The following BCR variants were observed in gnomAD, a reference collection of about 807,000 sequenced individuals.
The protein encoded by BCR is BCR activator of RhoGEF and GTPase.
In BCR, 58 loss-of-function variants were observed where a neutral mutation model predicts 138.6. The ratio of observed to expected loss-of-function variants is 0.42; its 90% CI spans 0.34 to 0.52. BCR has a LOEUF of 0.52. Ranked by LOEUF, BCR falls within the 20% of genes least tolerant of loss-of-function variation. BCR has a pLI of 0.06. For synonymous variants in BCR, 786 were observed against 730.1 expected, an observed-to-expected ratio of 1.08 and a Z score of -1.23; for missense variants, 1,599 against 1,727.2, an observed-to-expected ratio of 0.93 and a Z score of 1.32.
intron 16 of BCR, among the ~76,000 whole-genome samples, chr22:23,297,471 GGGCCCT>G (rs1478331808): frequency 1.3e-5 from 2 of 152,226 alleles, no homozygotes; most frequent in African/African-American, 4.8e-5. Context: ...CTCAGAATCA[GGGCCCT>G]GGGTATTCAG....
In BCR at chr22:23,224,693, C is replaced by T. The variant is rs12157635; in HGVS notation, c.1280-29106C>T. Among the ~76,000 whole-genome samples, 1,463 of 152,250 alleles carry T rather than the reference C, an allele frequency of 9.6e-3. 20 individuals carry two copies. Among genetic ancestry groups the T allele is most frequent in the African/African-American group, 0.034 (1,399 of 41,536 alleles). ...GGTCAGGAGTTCCAGACCAGCCTGGCCCACACAGTGAAACCCTGTCTCTAC... is the reference window on the plus strand; with the variant it reads ...GGTCAGGAGTTCCAGACCAGCCTGGTCCACACAGTGAAACCCTGTCTCTAC... On this transcript the variant is annotated intron_variant, in intron 1 of 22. Coordinates refer to ENST00000305877, the MANE Select transcript of BCR (RefSeq NM_004327.4).
rs9624065 is a variant in BCR, at chr22:23,240,861, A to G, written c.1280-12938A>G. ...CTCCCCTCCTGTCCAGCACCTCACA[A>G]CCCCCTTTCTACTTTCTGTCTCTAT... On this transcript the variant is annotated intron_variant, in intron 1 of 22. Transcript: ENST00000305877. Among the ~76,000 whole-genome samples, 273 of 151,416 alleles carry G rather than the reference A, an allele frequency of 1.8e-3. 1 individual carries two copies. The highest frequency in any genetic ancestry group is 6.3e-3 in the African/African-American group (261 of 41,230).
At chr22:23,295,466 G>A (rs1358952180) in intron 16 of BCR, among the ~76,000 whole-genome samples, 2 of 152,154 alleles carry the variant, frequency 1.3e-5, no homozygotes, top group Non-Finnish European at 2.9e-5. Context: ...GGAACAGTTA[G>A]ATGGTGTCCT....
At chr22:23,294,728 G>A (rs6003604) in intron 15 of BCR, among the ~76,000 whole-genome samples, 29 of 152,334 alleles carry the variant, frequency 1.9e-4, no homozygotes, top group African/African-American at 6.5e-4. Flanking sequence ...GTACCCTGGC[G>A]ATTGTGAGGC....
chr22:23,245,092 C>A (rs2073141264), intron 1 of BCR, among the ~76,000 whole-genome samples: 1 of 152,206 alleles, frequency 6.6e-6, no homozygotes, highest in South Asian at 2.1e-4. Context: ...CAAAGTTGAC[C>A]TTCTGGTGAT....
At chr22:23,295,862 C>T (rs956253559) in intron 16 of BCR, among the ~76,000 whole-genome samples, 1 of 152,054 alleles carries the variant, frequency 6.6e-6, no homozygotes, top group African/African-American at 2.4e-5. Context: ...CTCACAATTG[C>T]GCGGGGGTAG....
In BCR at chr22:23,314,072, A is replaced by T. The variant is rs1481106338; in HGVS notation, c.3562A>T (p.Arg1188Trp). The T allele has an allele frequency of 1.2e-6, 2 of 1,612,246 alleles. No homozygotes were observed. Among genetic ancestry groups the T allele is most frequent in the Admixed American group, 1.7e-5 (1 of 60,004 alleles). The change falls in exon 21 of 23, where the codon AGG (arginine) becomes TGG (tryptophan). Residue 1188 changes from arginine (R) to tryptophan (W), a missense_variant and splice_region_variant. Around this residue, in one of 4 missense-constraint regions of BCR, gnomAD observed 177 missense variants for 226.4 expected, o/e 0.78. Transcript: ENST00000305877. ...CCTTTTCCTTCTGGACCACCTGAAA[A>T]GGTAGCCCAGCTCTCCCATGGCAGC... ...TFLFLLDHLK[R>W]VAEKEAVNKM...
intron 16 of BCR, 61 bp from the exon 17 acceptor site, chr22:23,309,363 G>T: frequency 1.5e-6 from 2 of 1,300,374 alleles, no homozygotes; most frequent in Admixed American, 2.0e-5. Context: ...GTGGGCTGCT[G>T]CCCCGTGGGG....
At chr22:23,185,226 G>A (rs765550294) in intron 1 of BCR, among the ~76,000 whole-genome samples, 1 of 152,190 alleles carries the variant, frequency 6.6e-6, no homozygotes, top group African/African-American at 2.4e-5. Flanking sequence ...CGTTTGGCAC[G>A]TGGTGGCCCT....
chr22:23,273,042 C>G, intron 6 of BCR, 39 bp from the exon 7 acceptor site: 1 of 1,606,572 alleles, frequency 6.2e-7, no homozygotes, highest in African/African-American at 1.3e-5. Flanking sequence ...GTGTGCTTCT[C>G]CATGTGCAAC....
At chr22:23,209,640 G>A (rs1172283580) in intron 1 of BCR, among the ~76,000 whole-genome samples, 3 of 151,728 alleles carry the variant, frequency 2.0e-5, no homozygotes, top group African/African-American at 4.8e-5. Context: ...CCTGCCTCCC[G>A]GGTTCACACC....
In BCR at chr22:23,182,055, C is replaced by T. The variant is rs1383981815; in HGVS notation, c.1095C>T (p.Asp365=). ...PSPTTYRMFR[D]KSRSPSQNSQ... ...CCACCACCTACCGCATGTTCCGGGA[C>T]AAAAGCCGCTCTCCCTCGCAGAACT... The change falls in exon 1 of 23, where the codon GAC becomes GAT. Residue 365 remains aspartate, a synonymous_variant. Transcript: ENST00000305877. The T allele has an allele frequency of 1.9e-6, 3 of 1,613,586 alleles. No individual in the cohort carries two copies.
chr22:23,214,530 A>G (rs1190995734), intron 1 of BCR, among the ~76,000 whole-genome samples: 1 of 152,146 alleles, frequency 6.6e-6, no homozygotes, highest in Non-Finnish European at 1.5e-5. Context: ...GAGGACCTGC[A>G]TTTCCTTCGG....
intron 1 of BCR, among the ~76,000 whole-genome samples, chr22:23,224,061 G>T (rs1305874241): frequency 6.6e-6 from 1 of 152,154 alleles, no homozygotes; most frequent in Non-Finnish European, 1.5e-5. Flanking sequence ...TCTAAAGGAA[G>T]CTGGTGCTGA....
chr22:23,247,477 C>A (rs1408606411), intron 1 of BCR, among the ~76,000 whole-genome samples: 1 of 152,122 alleles, frequency 6.6e-6, no homozygotes, highest in Non-Finnish European at 1.5e-5. Context: ...CCTTTACAGC[C>A]GCTCTCATTG....
intron 1 of BCR, among the ~76,000 whole-genome samples, chr22:23,244,601 A>G (rs541422189): frequency 6.6e-5 from 10 of 152,210 alleles, no homozygotes; most frequent in South Asian, 6.2e-4. Context: ...ACGTGACTCC[A>G]TGGATTCCGC....
At chr22:23,188,281 G>C (rs2072372800) in intron 1 of BCR, among the ~76,000 whole-genome samples, 1 of 152,234 alleles carries the variant, frequency 6.6e-6, no homozygotes, top group African/African-American at 2.4e-5. Context: ...TTTGGGAACA[G>C]AATGGAGCAT....
chr22:23,194,426 T>C (rs2072452700), intron 1 of BCR, among the ~76,000 whole-genome samples: 1 of 151,654 alleles, frequency 6.6e-6, no homozygotes, highest in African/African-American at 2.4e-5. Context: ...TTCTTTTTTC[T>C]TTGAGATGGG....
At chr22:23,263,189 C>T in intron 4 of BCR, 1 of 883,478 alleles carries the variant, frequency 1.1e-6, no homozygotes, top group Non-Finnish European at 1.7e-6. Context: ...AGTCAGCCGC[C>T]TGCCCGGCTG....
Sources: allele counts gnomAD v4.1 joint callset (sites outside exome capture counted in the v4.1 genomes callset), GRCh38; gene constraint gnomAD v4.1.1; regional missense constraint gnomAD v4.1.1; transcripts MANE v1.5; gene names NCBI Gene and HGNC (gene_info 2026-07-23, HGNC 2026-07-21).